CTNND2: variants seen among roughly 807,000 people sequenced by gnomAD.
The protein encoded by CTNND2 is catenin delta 2.
Under a neutral mutation model 144.4 loss-of-function variants are expected in CTNND2, and 22 were observed. That is an observed-to-expected ratio of 0.15 (90% CI 0.11 to 0.22). CTNND2 has a LOEUF of 0.22. Among genes scored for constraint, CTNND2 ranks in the 10% least tolerant of loss-of-function variants. CTNND2 has a pLI of 1.00. For missense variants in CTNND2, 1,353 were observed against 1,618.8 expected, an observed-to-expected ratio of 0.84 and a Z score of 2.82; for synonymous variants, 751 against 695.6, an observed-to-expected ratio of 1.08 and a Z score of -1.25.
At chr5:11,876,724 A>T (rs1043324351) in intron 1 of CTNND2, among the ~76,000 whole-genome samples, 1 of 152,242 alleles carries the variant, frequency 6.6e-6, no homozygotes, top group South Asian at 2.1e-4. Context: ...GTTCAAAGCT[A>T]GCATTGTTTA....
chr5:11,003,590 C>T (rs189618923), intron 18 of CTNND2, among the ~76,000 whole-genome samples: 1 of 152,316 alleles, frequency 6.6e-6, no homozygotes, highest in East Asian at 1.9e-4. Flanking sequence ...TTCTGATGCA[C>T]AGTCTGTGTG....
chr5:11,329,955 C>T (rs1434445908), intron 9 of CTNND2, among the ~76,000 whole-genome samples: 1 of 152,112 alleles, frequency 6.6e-6, no homozygotes, highest in Non-Finnish European at 1.5e-5. Flanking sequence ...ACTGAGATAA[C>T]CAGAGCTTAT....
intron 3 of CTNND2, among the ~76,000 whole-genome samples, chr5:11,425,174 C>T (rs1417263921): frequency 6.6e-6 from 1 of 152,154 alleles, no homozygotes; most frequent in Non-Finnish European, 1.5e-5. Flanking sequence ...GAGTACAAGT[C>T]TTAATGCATA....
At chr5:11,719,794 G>A (rs1410412142) in intron 2 of CTNND2, among the ~76,000 whole-genome samples, 2 of 148,892 alleles carry the variant, frequency 1.3e-5, no homozygotes, top group African/African-American at 2.5e-5. Flanking sequence ...CTAGGACTTC[G>A]CTACTTCTCT....
intron 20 of CTNND2, among the ~76,000 whole-genome samples, chr5:10,982,992 T>A (rs538334426): frequency 3.3e-5 from 5 of 152,286 alleles, no homozygotes; most frequent in South Asian, 2.1e-4. Context: ...ATGATGGTTA[T>A]CAGAGACTGA....
At chr5:11,146,869 C>T (rs560242688) in intron 12 of CTNND2, among the ~76,000 whole-genome samples, 29 of 152,288 alleles carry the variant, frequency 1.9e-4, no homozygotes, top group African/African-American at 6.7e-4. Flanking sequence ...TGGCTCTACC[C>T]AAGAAATTAA....
intron 1 of CTNND2, among the ~76,000 whole-genome samples, chr5:11,765,874 C>T (rs1363108214): frequency 3.3e-5 from 5 of 152,032 alleles, no homozygotes; most frequent in Admixed American, 3.3e-4. Context: ...TTGTAAAATG[C>T]TATATGTTCA....
rs530798159 is a variant in CTNND2, at chr5:11,264,000, G to A, written c.1629-27177C>T. Among the ~76,000 whole-genome samples the A allele has an allele frequency of 4.2e-4, 64 of 152,232 alleles. 1 individual carries two copies. The highest frequency in any genetic ancestry group is 4.2e-4 in the South Asian group (2 of 4,814). Reference sequence around the variant, plus strand: ...GGTGGCACGTCATCTGTAATCTCACGTTCACCTTCGAATCAACTAACATAG... The same window carrying A: ...GGTGGCACGTCATCTGTAATCTCACATTCACCTTCGAATCAACTAACATAG... On this transcript the variant is annotated intron_variant, in intron 9 of 21. Transcript: ENST00000304623.
chr5:11,697,909 G>C (rs1353220214), intron 2 of CTNND2, among the ~76,000 whole-genome samples: 1 of 152,190 alleles, frequency 6.6e-6, no homozygotes, highest in African/African-American at 2.4e-5. Context: ...CCTATGTCTG[G>C]GAGGAGATTT....
At chr5:11,598,560 G>T (rs914174929) in intron 2 of CTNND2, among the ~76,000 whole-genome samples, 1 of 152,078 alleles carries the variant, frequency 6.6e-6, no homozygotes, top group African/African-American at 2.4e-5. Context: ...TTAAATAAGA[G>T]GAAACACCTA....
chr5:11,177,223 G>T (rs1045081735), intron 11 of CTNND2, among the ~76,000 whole-genome samples: 12 of 152,164 alleles, frequency 7.9e-5, no homozygotes, highest in Admixed American at 7.9e-4. Context: ...TGATGGTAAG[G>T]CCCCAAGAAG....
At chr5:11,631,700 C>T (rs949825355) in intron 2 of CTNND2, among the ~76,000 whole-genome samples, 9 of 152,148 alleles carry the variant, frequency 5.9e-5, no homozygotes, top group Admixed American at 5.9e-4. Flanking sequence ...GTATAGGGCA[C>T]CCTTCTTTCA....
chr5:11,526,542 C>T (rs755645225), intron 3 of CTNND2, among the ~76,000 whole-genome samples: 5 of 152,128 alleles, frequency 3.3e-5, no homozygotes, highest in South Asian at 2.1e-4. Flanking sequence ...CTGGTGCCTT[C>T]GGTAGAATCA....
intron 1 of CTNND2, among the ~76,000 whole-genome samples, chr5:11,831,666 C>CAAA (rs61030048): frequency 1.0e-5 from 1 of 99,154 alleles, no homozygotes. Context: ...GACTCTGTAT[C>CAAA]AAAAAAAAAA....
At chr5:11,892,480 A>G (rs931783871) in intron 1 of CTNND2, among the ~76,000 whole-genome samples, 1 of 152,224 alleles carries the variant, frequency 6.6e-6, no homozygotes, top group African/African-American at 2.4e-5. Flanking sequence ...ACTATTTAAC[A>G]TAAGTCCTGG....
intron 9 of CTNND2, among the ~76,000 whole-genome samples, chr5:11,300,326 A>G (rs777664782): frequency 1.3e-5 from 2 of 152,188 alleles, no homozygotes; most frequent in Non-Finnish European, 2.9e-5. Flanking sequence ...GGAACTTCAC[A>G]GCCTGGAAGG....
At chr5:11,144,599 C>T (rs961921797) in intron 12 of CTNND2, among the ~76,000 whole-genome samples, 1 of 152,120 alleles carries the variant, frequency 6.6e-6, no homozygotes, top group African/African-American at 2.4e-5. Context: ...TGGGGGTCTA[C>T]CTTTTGGTCC....
chr5:11,778,179 C>T (rs566729494), intron 1 of CTNND2, among the ~76,000 whole-genome samples: 1 of 152,128 alleles, frequency 6.6e-6, no homozygotes, highest in African/African-American at 2.4e-5. Context: ...CACCGTTCAG[C>T]TGGAAGTGCA....
chr5:11,790,436 G>A (rs948992625), intron 1 of CTNND2, among the ~76,000 whole-genome samples: 14 of 152,086 alleles, frequency 9.2e-5, no homozygotes, highest in African/African-American at 3.1e-4. Context: ...GAGCTGACAG[G>A]TCCCCTTACT....
Sources: allele counts gnomAD v4.1 joint callset (sites outside exome capture counted in the v4.1 genomes callset), GRCh38; gene constraint gnomAD v4.1.1; transcripts MANE v1.5; gene names NCBI Gene and HGNC (gene_info 2026-07-23, HGNC 2026-07-21).